ATP8B4: variants seen among roughly 807,000 people sequenced by gnomAD.
The protein encoded by ATP8B4 is probable phospholipid-transporting ATPase IM.
ATP8B4 carries 133 observed loss-of-function variants against 145.6 expected under a neutral mutation model. That is an observed-to-expected ratio of 0.91 (90% CI 0.79 to 1.05). The LOEUF (loss-of-function observed/expected upper bound fraction) is 1.05, where lower values mean the gene tolerates loss of function less well. ATP8B4 is among the 50% of genes least tolerant of loss of function. The probability of loss-of-function intolerance (pLI) is 0.00; values close to 1 mark genes in which losing one functional copy is unlikely to be tolerated. For synonymous variants in ATP8B4, 507 were observed against 492.9 expected (o/e 1.03, Z -0.38); for missense variants, 1,458 against 1,425.2 (o/e 1.02, Z -0.37).
intron 27 of ATP8B4, 127 bp from the exon 28 acceptor site, chr15:49,860,602 A>C: frequency 8.4e-7 from 1 of 1,184,726 alleles, no homozygotes; most frequent in Non-Finnish European, 1.1e-6. Flanking sequence ...GGAAGTTTTA[A>C]ATCTAAAAAC....
chr15:50,044,331 T>C (rs2051554212), intron 5 of ATP8B4, among the ~76,000 whole-genome samples: 1 of 152,224 alleles, frequency 6.6e-6, no homozygotes, highest in Non-Finnish European at 1.5e-5. Flanking sequence ...GTTGTATTAT[T>C]AGCAAATCAC....
chr15:50,060,852 G>A (rs2052962430), intron 3 of ATP8B4, among the ~76,000 whole-genome samples: 1 of 152,180 alleles, frequency 6.6e-6, no homozygotes, highest in South Asian at 2.1e-4. Flanking sequence ...TGGTCTGTCT[G>A]TGGACCACAC....
At chr15:49,978,588 A>G (rs2045873168) in intron 12 of ATP8B4, among the ~76,000 whole-genome samples, 1 of 152,098 alleles carries the variant, frequency 6.6e-6, no homozygotes, top group Admixed American at 6.6e-5. Context: ...GATTTTGTGT[A>G]CTGTTAAAGT....
At chr15:50,157,658 G>A (rs2044439904) in intron 1 of ATP8B4, among the ~76,000 whole-genome samples, 2 of 151,972 alleles carry the variant, frequency 1.3e-5, no homozygotes, top group African/African-American at 4.8e-5. Context: ...GAATATCATT[G>A]GTATTTTGAT....
chr15:49,891,951 T>C (rs1208011986), intron 23 of ATP8B4, among the ~76,000 whole-genome samples: 5 of 151,818 alleles, frequency 3.3e-5, no homozygotes, highest in African/African-American at 1.2e-4. Flanking sequence ...CTGTCTCTAC[T>C]AAAAAAACAC....
intron 6 of ATP8B4, among the ~76,000 whole-genome samples, chr15:50,016,359 C>G (rs1405018906): frequency 6.6e-6 from 1 of 152,106 alleles, no homozygotes; most frequent in African/African-American, 2.4e-5. Flanking sequence ...ATCTGTTCTC[C>G]CTTATGAAAG....
intron 1 of ATP8B4, among the ~76,000 whole-genome samples, chr15:50,107,991 A>G (rs1043373721): frequency 1.3e-5 from 2 of 152,080 alleles, no homozygotes. Context: ...AAATAGGGTC[A>G]GTGATACTTT....
chr15:50,129,580 C>T (rs1278630703), intron 1 of ATP8B4, among the ~76,000 whole-genome samples: 1 of 152,094 alleles, frequency 6.6e-6, no homozygotes, highest in Non-Finnish European at 1.5e-5. Context: ...CAAATATGAC[C>T]TCAATCTTAA....
intron 1 of ATP8B4, among the ~76,000 whole-genome samples, chr15:50,169,254 G>A (rs945220034): frequency 6.6e-6 from 1 of 152,030 alleles, no homozygotes; most frequent in Non-Finnish European, 1.5e-5. Flanking sequence ...AACCACCAAA[G>A]CTAAGGACAC....
intron 2 of ATP8B4, among the ~76,000 whole-genome samples, chr15:50,076,768 T>C (rs2054204443): frequency 6.6e-6 from 1 of 152,238 alleles, no homozygotes; most frequent in Non-Finnish European, 1.5e-5. Flanking sequence ...TAAGTCTTCC[T>C]GGATTAATTC....
chr15:50,072,001 A>T (rs996100189), intron 3 of ATP8B4, among the ~76,000 whole-genome samples: 2 of 151,230 alleles, frequency 1.3e-5, no homozygotes, highest in African/African-American at 4.9e-5. Context: ...GAGAAATTTA[A>T]GCTACCTCTC....
intron 1 of ATP8B4, among the ~76,000 whole-genome samples, chr15:50,127,101 G>A (rs2057312780): frequency 6.6e-6 from 1 of 152,092 alleles, no homozygotes; most frequent in Non-Finnish European, 1.5e-5. Flanking sequence ...TGTAACCTGT[G>A]GACCCCCACT....
At chr15:50,009,573 G>C (rs563867125) in intron 7 of ATP8B4, 1 of 395,048 alleles carries the variant, frequency 2.5e-6, no homozygotes, top group Non-Finnish European at 5.0e-6. Flanking sequence ...TTCTCTCCCA[G>C]TTCCCCATCT....
chr15:49,982,930 C>T (rs2046285605), intron 10 of ATP8B4, among the ~76,000 whole-genome samples: 1 of 152,124 alleles, frequency 6.6e-6, no homozygotes, highest in Admixed American at 6.6e-5. Context: ...CCTTTTGAAA[C>T]ATACTCTTCC....
At chr15:50,086,904 C>A (rs2055167503) in intron 2 of ATP8B4, among the ~76,000 whole-genome samples, 6 of 66,912 alleles carry the variant, frequency 9.0e-5, no homozygotes, top group East Asian at 7.1e-4. Flanking sequence ...TAATAGAGAT[C>A]TATATTATTA....
intron 6 of ATP8B4, among the ~76,000 whole-genome samples, chr15:50,034,354 T>C (rs575925826): frequency 2.1e-4 from 32 of 151,440 alleles, no homozygotes; most frequent in Non-Finnish European, 3.7e-4. Context: ...CTCATCCTCC[T>C]GGGTAGCTGG....
chr15:49,981,076 C>T, intron 11 of ATP8B4, 130 bp downstream of exon 11: 2 of 680,448 alleles, frequency 2.9e-6, no homozygotes, highest in Non-Finnish European at 4.9e-6. Context: ...TATAACTGAG[C>T]CTCAAATGCA....
intron 1 of ATP8B4, among the ~76,000 whole-genome samples, chr15:50,157,624 GATTT>G (rs1361126430): frequency 5.3e-5 from 8 of 151,928 alleles, no homozygotes; most frequent in Admixed American, 1.3e-4. Flanking sequence ...TAAATTTTAG[GATTT>G]TTTTTTCTAT....
intron 1 of ATP8B4, among the ~76,000 whole-genome samples, chr15:50,172,358 G>A (rs555801763): frequency 6.6e-6 from 1 of 152,266 alleles, no homozygotes; most frequent in African/African-American, 2.4e-5. Context: ...TGGCCGGGCT[G>A]GTCTCCAGCT....
Sources: allele counts gnomAD v4.1 joint callset (sites outside exome capture counted in the v4.1 genomes callset), GRCh38; gene constraint gnomAD v4.1.1; transcripts MANE v1.5; gene names NCBI Gene and HGNC (gene_info 2026-07-23, HGNC 2026-07-21).